CADPS2: variants seen among roughly 807,000 people sequenced by gnomAD.
CADPS2 encodes calcium-dependent secretion activator 2.
CADPS2 carries 93 observed loss-of-function variants against 172.5 expected under a neutral mutation model. The ratio of observed to expected loss-of-function variants is 0.54; its 90% CI spans 0.46 to 0.64. The LOEUF is 0.64. Among genes scored for constraint, CADPS2 ranks in the 30% least tolerant of loss-of-function variants. CADPS2 has a pLI of 0.00. For missense variants in CADPS2, 1,420 were observed against 1,565.9 expected, an observed-to-expected ratio of 0.91 and a Z score of 1.57; for synonymous variants, 546 against 555.2, an observed-to-expected ratio of 0.98 and a Z score of 0.23.
chr7:122,471,437 G>A lies in CADPS2; in HGVS notation c.2124C>T (p.Val708=). ...ELMEHSENGA[V]IDPTLLHYSF... ...TGTAATGGAGCAGGGTAGGGTCAAT[G>A]ACAGCACCATTTTCTGAATGTTCCA... Residue 708 remains valine, a synonymous_variant, in exon 14 of 30, where the codon GTC becomes GTT. Coordinates refer to ENST00000449022, the MANE Select transcript of CADPS2 (RefSeq NM_017954.11). 6.2e-7 allele frequency: 1 copy of A among 1,613,586 alleles called. No individual in the cohort carries two copies. Among genetic ancestry groups the A allele is most frequent in the Non-Finnish European group, 8.5e-7 (1 of 1,179,714 alleles).
chr7:122,722,040 C>T (rs568367893), intron 2 of CADPS2, among the ~76,000 whole-genome samples: 1 of 152,238 alleles, frequency 6.6e-6, no homozygotes, highest in African/African-American at 2.4e-5. Flanking sequence ...TGGGACATAT[C>T]TCAAAAGAAT....
Position 122,705,478 on chromosome 7 carries a change from T to G in CADPS2, c.453+31477A>C, listed in dbSNP as rs1489146633. On this transcript the variant is annotated intron_variant, in intron 2 of 29. Coordinates refer to ENST00000449022, the MANE Select transcript of CADPS2 (RefSeq NM_017954.11). Reference sequence around the variant, plus strand: ...TTATCTATATTATATATTATATATATTTATATTATATATTATCTATATTAT... The same window carrying G: ...TTATCTATATTATATATTATATATAGTTATATTATATATTATCTATATTAT... Among the ~76,000 whole-genome samples the G allele has an allele frequency of 1.2e-4, 15 of 129,798 alleles. 2 individuals are homozygous for G. Among genetic ancestry groups the G allele is most frequent in the Non-Finnish European group, 2.1e-4 (13 of 62,738 alleles). 85.2% of individuals were successfully genotyped at this position (129,798 alleles called of 152,430 possible). A position where few individuals can be genotyped will look rare whatever the true frequency, so the allele number is the denominator to read the frequency against.
At chr7:122,494,722 C>G (rs1264043242) in intron 9 of CADPS2, among the ~76,000 whole-genome samples, 1 of 151,690 alleles carries the variant, frequency 6.6e-6, no homozygotes, top group Non-Finnish European at 1.5e-5. Flanking sequence ...AAACATTAAG[C>G]CTTAATGGGA....
chr7:122,750,412 T>C (rs2092902423), intron 1 of CADPS2, among the ~76,000 whole-genome samples: 1 of 152,112 alleles, frequency 6.6e-6, no homozygotes, highest in Admixed American at 6.5e-5. Flanking sequence ...TTTGCATTCG[T>C]ATTGTGTCTT....
chr7:122,666,507 C>T (rs909444368), intron 2 of CADPS2, among the ~76,000 whole-genome samples: 2 of 151,976 alleles, frequency 1.3e-5, no homozygotes, highest in Non-Finnish European at 2.9e-5. Context: ...CCATGGCCGG[C>T]TAATTTTTAT....
At chr7:122,654,830 A>G (rs2135106008) in intron 3 of CADPS2, among the ~76,000 whole-genome samples, 1 of 152,340 alleles carries the variant, frequency 6.6e-6, no homozygotes, top group African/African-American at 2.4e-5. Context: ...GATTAGAGCA[A>G]AGTAAATGGA....
chr7:122,723,402 A>C (rs2090704882), intron 2 of CADPS2, among the ~76,000 whole-genome samples: 1 of 152,220 alleles, frequency 6.6e-6, no homozygotes, highest in Non-Finnish European at 1.5e-5. Context: ...GAAGACATTT[A>C]TGCAGCCAAA....
chr7:122,820,332 T>A (rs932727233), intron 1 of CADPS2, among the ~76,000 whole-genome samples: 17 of 152,162 alleles, frequency 1.1e-4, no homozygotes, highest in Admixed American at 2.6e-4. Context: ...CCCAAATTTC[T>A]TCCTCATCTG....
intron 9 of CADPS2, among the ~76,000 whole-genome samples, chr7:122,498,534 T>C (rs1483775417): frequency 6.6e-6 from 1 of 152,164 alleles, no homozygotes; most frequent in African/African-American, 2.4e-5. Context: ...TATATTTTTT[T>C]CACCTCTTCA....
chr7:122,474,263 A>T (rs1335923842), intron 13 of CADPS2, 118 bp downstream of exon 13: 52 of 1,080,226 alleles, frequency 4.8e-5, no homozygotes, highest in Non-Finnish European at 6.3e-5. Flanking sequence ...ATGAGTCAGG[A>T]ATAAAATGCT....
At chr7:122,788,686 T>A (rs1214796577) in intron 1 of CADPS2, among the ~76,000 whole-genome samples, 1 of 152,212 alleles carries the variant, frequency 6.6e-6, no homozygotes, top group Non-Finnish European at 1.5e-5. Context: ...TTGAACCTGA[T>A]GGCTTTAGGC....
At chr7:122,321,582 C>T (rs1278618960) in intron 29 of CADPS2, among the ~76,000 whole-genome samples, 1 of 152,112 alleles carries the variant, frequency 6.6e-6, no homozygotes, top group Non-Finnish European at 1.5e-5. Context: ...TTCGCCTCCC[C>T]AGTTCAAGTG....
At chr7:122,674,434 A>G (rs1436189939) in intron 2 of CADPS2, among the ~76,000 whole-genome samples, 2 of 152,226 alleles carry the variant, frequency 1.3e-5, no homozygotes, top group East Asian at 3.9e-4. Context: ...ACTTACATAC[A>G]GCCTTCAATC....
intron 3 of CADPS2, among the ~76,000 whole-genome samples, chr7:122,656,540 C>T (rs1300850043): frequency 6.6e-6 from 1 of 152,058 alleles, no homozygotes; most frequent in African/African-American, 2.4e-5. Flanking sequence ...CCTCCTAGAC[C>T]AGGGACAGAA....
At chr7:122,335,032 T>G (rs191384739) in intron 28 of CADPS2, among the ~76,000 whole-genome samples, 4 of 152,270 alleles carry the variant, frequency 2.6e-5, no homozygotes, top group Admixed American at 2.6e-4. Context: ...AGATTCCTAT[T>G]GAGTAATTGT....
At chr7:122,469,681 C>A (rs536862631) in intron 14 of CADPS2, among the ~76,000 whole-genome samples, 9 of 152,240 alleles carry the variant, frequency 5.9e-5, no homozygotes, top group South Asian at 4.2e-4. Context: ...TGAGAAATGG[C>A]AGCACTGGGG....
intron 1 of CADPS2, among the ~76,000 whole-genome samples, chr7:122,800,849 G>A (rs1206433062): frequency 1.3e-5 from 2 of 151,986 alleles, no homozygotes; most frequent in Non-Finnish European, 2.9e-5. Context: ...AAATTAGCCG[G>A]GCGTGGTGGC....
chr7:122,351,808 A>C lies in CADPS2; in HGVS notation c.3505-6127T>G, dbSNP rs949950243. On this transcript the variant is annotated intron_variant, in intron 27 of 29. Transcript: ENST00000449022. Reference sequence around the variant, plus strand: ...AAACTTAGGTAGTCATATTACTTTTATTCTTAACAGTCACATGAATGTTTC... The same window carrying C: ...AAACTTAGGTAGTCATATTACTTTTCTTCTTAACAGTCACATGAATGTTTC... 2.6e-5 allele frequency among the ~76,000 whole-genome samples: 4 copies of C among 152,210 alleles called. No individual in the cohort carries two copies. In the East Asian group the frequency reaches 7.7e-4, roughly 29 times the overall value.
chr7:122,479,992 T>C (rs1385844317), intron 12 of CADPS2: 3 of 401,098 alleles, frequency 7.5e-6, no homozygotes, highest in South Asian at 2.0e-5. Flanking sequence ...GTTACATATA[T>C]AACTGAGAGA....
Sources: allele counts gnomAD v4.1 joint callset (sites outside exome capture counted in the v4.1 genomes callset), GRCh38; gene constraint gnomAD v4.1.1; transcripts MANE v1.5; gene names NCBI Gene and HGNC (gene_info 2026-07-23, HGNC 2026-07-21).